PRKN: variants seen among roughly 807,000 people sequenced by gnomAD.
PRKN encodes E3 ubiquitin-protein ligase parkin.
Under a neutral mutation model 59.5 loss-of-function variants are expected in PRKN, and 56 were observed. The ratio of observed to expected loss-of-function variants is 0.94; its 90% CI spans 0.76 to 1.18. The LOEUF (loss-of-function observed/expected upper bound fraction) is 1.18, where lower values mean the gene tolerates loss of function less well. Ranked by LOEUF, PRKN falls within the 50% of genes most tolerant of loss-of-function variation. The pLI is 0.00. For synonymous variants in PRKN, 250 were observed against 222.1 expected, an observed-to-expected ratio of 1.13 and a Z score of -1.12; for missense variants, 657 against 596.4, an observed-to-expected ratio of 1.10 and a Z score of -1.06.
At chr6:161,840,536 A>G (rs57228941) in intron 6 of PRKN, among the ~76,000 whole-genome samples, 1,806 of 152,132 alleles carry the variant, frequency 0.012, 47 homozygotes, top group African/African-American at 0.042. Context: ...TGTACAGATG[A>G]TTTCATCACC....
intron 7 of PRKN, among the ~76,000 whole-genome samples, chr6:161,743,134 T>C (rs1226675583): frequency 1.3e-5 from 2 of 151,910 alleles, no homozygotes; most frequent in African/African-American, 2.4e-5. Flanking sequence ...ATGAATATTT[T>C]ACAATGTGGA....
chr6:161,936,765 CT>C (rs1779373143), intron 6 of PRKN, among the ~76,000 whole-genome samples: 1 of 150,366 alleles, frequency 6.7e-6, no homozygotes, highest in Non-Finnish European at 1.5e-5. Context: ...AATTTGGCTC[CT>C]TCTGACTTAT....
At chr6:162,342,131 GTTC>G in intron 2 of PRKN, among the ~76,000 whole-genome samples, 1 of 152,208 alleles carries the variant, frequency 6.6e-6, no homozygotes, top group Admixed American at 6.5e-5. Flanking sequence ...ACTTGGCCTT[GTTC>G]TTTAGTTCTG....
chr6:162,107,262 C>T (rs185051902), intron 4 of PRKN, among the ~76,000 whole-genome samples: 16 of 152,094 alleles, frequency 1.1e-4, no homozygotes, highest in African/African-American at 3.6e-4. Flanking sequence ...GTCAGGAGTT[C>T]GAGACCAGCC....
chr6:161,761,319 GTGGA>G (rs1023216303), intron 7 of PRKN, among the ~76,000 whole-genome samples: 1 of 129,062 alleles, frequency 7.7e-6, no homozygotes, highest in Non-Finnish European at 1.7e-5. Flanking sequence ...ACGGTGTGCA[GTGGA>G]TGGATGGATG....
At chr6:162,447,663 A>G (rs1790386430) in intron 1 of PRKN, among the ~76,000 whole-genome samples, 1 of 152,184 alleles carries the variant, frequency 6.6e-6, no homozygotes. Context: ...CTTTTAAGAC[A>G]ATTTTATTTA....
chr6:162,475,943 G>T (rs917203965), intron 1 of PRKN, among the ~76,000 whole-genome samples: 22 of 147,658 alleles, frequency 1.5e-4, no homozygotes, highest in Non-Finnish European at 4.5e-5. Context: ...GTAGAGACAG[G>T]GTTTCACCAT....
intron 10 of PRKN, among the ~76,000 whole-genome samples, chr6:161,384,179 C>T (rs193195011): frequency 9.9e-5 from 15 of 152,282 alleles, no homozygotes; most frequent in South Asian, 2.1e-4. Flanking sequence ...GGAGCAGGGA[C>T]GTTGTCTTAC....
At chr6:161,874,970 AATTTATT>A (rs1378620008) in intron 6 of PRKN, among the ~76,000 whole-genome samples, 1 of 75,690 alleles carries the variant, frequency 1.3e-5, no homozygotes, top group Non-Finnish European at 2.2e-5. Context: ...TATAATATAT[AATTTATT>A]ATATTATATA....
In PRKN at chr6:161,391,118, A is replaced by C. The variant is rs1481365424; in HGVS notation, c.1084-4241T>G. On this transcript the variant is annotated intron_variant, in intron 9 of 11. Transcript: ENST00000366898. This position sits in a 1 kb window ranked among gnomAD's most constrained non-coding sequence, Gnocchi z 4.9. Reference sequence around the variant, plus strand: ...CTAGAGAAAAAGCTTGCCGGGGAAGAAAGCAGACCTAGCTCCAACATTTTC... The same window carrying C: ...CTAGAGAAAAAGCTTGCCGGGGAAGCAAGCAGACCTAGCTCCAACATTTTC... Among the ~76,000 whole-genome samples, 3 of 152,144 alleles carry C rather than the reference A, an allele frequency of 2.0e-5. No individual in the cohort carries two copies. The highest frequency in any genetic ancestry group is 2.9e-5 in the Non-Finnish European group (2 of 68,040).
At chr6:162,634,985 C>T (rs1209037321) in intron 1 of PRKN, among the ~76,000 whole-genome samples, 1 of 152,172 alleles carries the variant, frequency 6.6e-6, no homozygotes, top group Non-Finnish European at 1.5e-5. Flanking sequence ...CTAAAATTCC[C>T]TAATTTCACT....
intron 6 of PRKN, among the ~76,000 whole-genome samples, chr6:161,858,858 C>CTTTTT (rs71544920): frequency 1.7e-4 from 12 of 71,930 alleles, no homozygotes; most frequent in African/African-American, 2.5e-4. Context: ...CACAGCTGTA[C>CTTTTT]TTTTTTTTTT....
rs376315090 is a variant in PRKN at position 161,728,732 on chromosome 6, C to A, written c.871+57040G>T. 2.6e-4 allele frequency among the ~76,000 whole-genome samples: 40 copies of A among 152,238 alleles called. No individual in the cohort carries two copies. In the East Asian group the frequency reaches 5.8e-3, roughly 22 times the overall value. ...GAGGGGTGAGGGGCATTTTGCTCCC[C>A]ATGATGATGGCATGTAGGCTCCTGG... On this transcript the variant is annotated intron_variant, in intron 7 of 11. Transcript: ENST00000366898.
At chr6:162,474,406 T>G (rs1791904393) in intron 1 of PRKN, among the ~76,000 whole-genome samples, 2 of 152,156 alleles carry the variant, frequency 1.3e-5, no homozygotes, top group South Asian at 4.1e-4. Flanking sequence ...ATCACTATAC[T>G]TCTTTGTTAG....
At chr6:161,516,366 C>A (rs1287313493) in intron 9 of PRKN, among the ~76,000 whole-genome samples, 1 of 147,728 alleles carries the variant, frequency 6.8e-6, no homozygotes, top group African/African-American at 2.5e-5. Context: ...ACTCGGGAGG[C>A]TAAGGTAGGA....
chr6:161,801,672 C>G (rs1048818998), intron 6 of PRKN, among the ~76,000 whole-genome samples: 1 of 152,136 alleles, frequency 6.6e-6, no homozygotes, highest in Non-Finnish European at 1.5e-5. Context: ...GGCCTTAGAT[C>G]AGCCGGTTTT....
At chr6:161,834,345 T>C (rs1220175826) in intron 6 of PRKN, among the ~76,000 whole-genome samples, 3 of 152,078 alleles carry the variant, frequency 2.0e-5, no homozygotes, top group Admixed American at 6.6e-5. Context: ...TTCTCACTCT[T>C]AAACGGGTCA....
chr6:162,462,000 G>C (rs1022190085), intron 1 of PRKN, among the ~76,000 whole-genome samples: 14 of 152,220 alleles, frequency 9.2e-5, no homozygotes, highest in African/African-American at 3.4e-4. Flanking sequence ...TACTCTTTTA[G>C]ACAACAACAG....
At chr6:161,932,929 T>A (rs1214590219) in intron 6 of PRKN, among the ~76,000 whole-genome samples, 1 of 152,218 alleles carries the variant, frequency 6.6e-6, no homozygotes, top group Non-Finnish European at 1.5e-5. Flanking sequence ...AATCTAAAGA[T>A]GTTTTGTTTC....
Sources: gnomAD v4.1 joint callset for allele counts (sites outside exome capture counted in the v4.1 genomes callset) on GRCh38, gnomAD v4.1.1 for gene constraint, Gnocchi (gnomAD v3.1) non-coding constraint, MANE v1.5 for transcripts, NCBI Gene and HGNC (gene_info 2026-07-23, HGNC 2026-07-21) for gene names.